The following BOC variants were observed in gnomAD, a reference collection of about 807,000 sequenced individuals.
BOC encodes BOC cell adhesion associated, oncogene regulated.
In BOC, 76 loss-of-function variants were observed where a neutral mutation model predicts 112.0. That is an observed-to-expected ratio of 0.68 (90% confidence interval 0.56 to 0.82). The LOEUF (loss-of-function observed/expected upper bound fraction) is 0.82. Ranked by LOEUF, BOC falls within the 40% of genes least tolerant of loss-of-function variation. The probability of loss-of-function intolerance (pLI) is 0.00; values close to 1 mark genes in which losing one functional copy is unlikely to be tolerated. For missense variants in BOC, 1,309 were observed against 1,511.7 expected (o/e 0.87, Z 2.22); for synonymous variants, 580 against 599.8 (o/e 0.97, Z 0.48).
chr3:113,243,241 C>T (rs1054377388), intron 2 of BOC, among the ~76,000 whole-genome samples: 36 of 152,108 alleles, frequency 2.4e-4, no homozygotes, highest in Non-Finnish European at 5.0e-4. Context: ...CACATGCAAA[C>T]AGGAAGAAAA....
chr3:113,285,467 A>T lies in BOC; in HGVS notation c.3062A>T (p.Gln1021Leu). 1 of 1,614,126 alleles carries T rather than the reference A, an allele frequency of 6.2e-7. No individual in the cohort carries two copies. The highest frequency in any genetic ancestry group is 8.5e-7 in the Non-Finnish European group (1 of 1,180,004). ...CTGCAGCCCCATCACGACTGCTGCC[A>T]ACGCCAGGAGCAGCCTGCTGCTGTG... is the stretch of plus-strand genomic sequence containing the variant. ...QLLQPHHDCCQRQEQPAAVGQ... is the reference protein window; with the variant it reads ...QLLQPHHDCCLRQEQPAAVGQ... Residue 1021 changes from glutamine (Q) to leucine (L), a missense_variant, in exon 19 of 20, where the codon CAA becomes CTA. Physicochemically the swap from Gln to Leu is moderately radical, Grantham distance 113. Coordinates refer to ENST00000682979, the MANE Select transcript of BOC (RefSeq NM_001378074.1).
intron 2 of BOC, among the ~76,000 whole-genome samples, chr3:113,228,258 C>T (rs528767542): frequency 7.6e-4 from 115 of 152,138 alleles, no homozygotes; most frequent in African/African-American, 2.7e-3. Flanking sequence ...CCTGGGGGGA[C>T]GGGGCAGATG....
At chr3:113,283,751 C>T (rs1265721249) in intron 16 of BOC, 119 bp downstream of exon 16, 12 of 969,688 alleles carry the variant, frequency 1.2e-5, no homozygotes, top group African/African-American at 3.3e-5. Context: ...CCAAAGGTCT[C>T]GGAGGTCAGA....
intron 2 of BOC, 28 bp from the exon 3 acceptor site, chr3:113,249,694 A>G (rs904592786): frequency 4.5e-6 from 4 of 898,554 alleles, no homozygotes; most frequent in Non-Finnish European, 6.6e-6. Context: ...CATCATGGCC[A>G]TTGCTCTCCC....
intron 1 of BOC, chr3:113,212,447 C>G (rs371736858): frequency 6.6e-6 from 1 of 152,400 alleles, no homozygotes; most frequent in East Asian, 1.9e-4. Flanking sequence ...CCCCATGCTC[C>G]AGGCCGTGGG....
At chr3:113,263,767 A>C (rs1424109957) in intron 4 of BOC, among the ~76,000 whole-genome samples, 1 of 152,266 alleles carries the variant, frequency 6.6e-6, no homozygotes, top group African/African-American at 2.4e-5. Context: ...AGAGACTAGA[A>C]GGTGGTGAGA....
At chr3:113,213,892 A>G (rs1236851793) in intron 1 of BOC, among the ~76,000 whole-genome samples, 2 of 152,226 alleles carry the variant, frequency 1.3e-5, no homozygotes, top group East Asian at 1.9e-4. Context: ...CCTCCCCTGT[A>G]TAGATTTGTC....
At chr3:113,271,079 A>G in intron 6 of BOC, 135 bp downstream of exon 6, 3 of 1,330,126 alleles carry the variant, frequency 2.3e-6, no homozygotes, top group East Asian at 2.3e-5. Flanking sequence ...GGCCAGGGGG[A>G]CAGCCAGGGG....
chr3:113,276,297 C>T (rs1235247402), intron 9 of BOC, among the ~76,000 whole-genome samples: 1 of 152,234 alleles, frequency 6.6e-6, no homozygotes, highest in African/African-American at 2.4e-5. Flanking sequence ...AGGCTCAGGC[C>T]GCATTCACCC....
At chr3:113,218,237 C>T (rs1033621361) in intron 2 of BOC, among the ~76,000 whole-genome samples, 6 of 152,176 alleles carry the variant, frequency 3.9e-5, no homozygotes, top group Admixed American at 6.5e-5. Flanking sequence ...GGAAGAGAGC[C>T]CTCCCCCACC....
Position 113,279,906 on chromosome 3 carries a change from G to A in BOC, c.2106G>A (p.Val702=). The change falls in exon 13 of 20, where the codon GTG becomes GTA. Residue 702 remains valine, a synonymous_variant. Transcript: ENST00000682979. ...EPSAPSRPYV[V]SGYSGRVYER... ...GCGCCCCCTCTCGGCCCTACGTGGT[G>A]TCGGGCTACAGCGGTCGCGTGTACG... is the stretch of plus-strand genomic sequence containing the variant. 1 of 1,614,038 alleles carries A rather than the reference G, an allele frequency of 6.2e-7. No individual in the cohort carries two copies. Among genetic ancestry groups the A allele is most frequent in the South Asian group, 1.1e-5 (1 of 91,068 alleles).
chr3:113,273,500 T>C (rs1948359941), intron 8 of BOC, among the ~76,000 whole-genome samples, 159 bp downstream of exon 8: 1 of 152,182 alleles, frequency 6.6e-6, no homozygotes. Context: ...AAGTACAGAT[T>C]TTCACTAATG....
At chr3:113,285,004 A>G in intron 18 of BOC, 146 bp downstream of exon 18, 1 of 718,628 alleles carries the variant, frequency 1.4e-6, no homozygotes, top group Non-Finnish European at 2.3e-6. Flanking sequence ...CCTCTGAACC[A>G]TTGCCCTAAT....
At chr3:113,229,878 C>T (rs2107692250) in intron 2 of BOC, among the ~76,000 whole-genome samples, 1 of 152,318 alleles carries the variant, frequency 6.6e-6, no homozygotes, top group African/African-American at 2.4e-5. Flanking sequence ...ACGGCAGAGA[C>T]ACCTGCACTG....
intron 2 of BOC, among the ~76,000 whole-genome samples, chr3:113,221,124 A>C (rs962415883): frequency 5.9e-5 from 9 of 152,240 alleles, no homozygotes; most frequent in African/African-American, 2.2e-4. Context: ...AATTACGTAG[A>C]CACTGAGAAC....
At chr3:113,250,190 A>G (rs946652183) in intron 3 of BOC, among the ~76,000 whole-genome samples, 2 of 152,236 alleles carry the variant, frequency 1.3e-5, no homozygotes, top group Non-Finnish European at 2.9e-5. Flanking sequence ...GGCAATTTAC[A>G]CATATCGTTT....
intron 2 of BOC, among the ~76,000 whole-genome samples, chr3:113,221,763 C>T (rs1429905225): frequency 6.6e-6 from 1 of 152,228 alleles, no homozygotes; most frequent in Non-Finnish European, 1.5e-5. Flanking sequence ...GAGAAGGTCA[C>T]TTCTGTGCTC....
rs1317238293 is a variant in BOC at position 113,229,803 on chromosome 3, CA to C, written c.-82+13532del. ...CATCTTTATGCAAAGTGTTCAATTTCAAACACCGTATCCAGTACAGAACATT... is the reference window on the plus strand; with the variant it reads ...CATCTTTATGCAAAGTGTTCAATTTCAACACCGTATCCAGTACAGAACATT... On this transcript the variant is annotated intron_variant, in intron 2 of 19. Transcript: ENST00000682979. Among the ~76,000 whole-genome samples, 6 of 152,262 alleles carry C rather than the reference CA, an allele frequency of 3.9e-5. No individual in the cohort carries two copies. In the South Asian group the frequency reaches 1.0e-3, roughly 26 times the overall value.
chr3:113,239,160 A>G (rs1190045672), intron 2 of BOC, among the ~76,000 whole-genome samples: 3 of 152,258 alleles, frequency 2.0e-5, no homozygotes, highest in Non-Finnish European at 4.4e-5. Context: ...TTGAAATTAT[A>G]AATTTTGGAT....
Sources: allele counts gnomAD v4.1 joint callset (sites outside exome capture counted in the v4.1 genomes callset), GRCh38; gene constraint gnomAD v4.1.1; transcripts MANE v1.5; gene names NCBI Gene and HGNC (gene_info 2026-07-23, HGNC 2026-07-21).